Variants in RAB3GAP2 observed in about 807,000 individuals in gnomAD.
The protein encoded by RAB3GAP2 is rab3 GTPase-activating protein non-catalytic subunit.
Under a neutral mutation model 185.3 loss-of-function variants are expected in RAB3GAP2, and 87 were observed. The observed-to-expected ratio is 0.47, with a 90% CI of 0.39 to 0.56. The LOEUF (loss-of-function observed/expected upper bound fraction) is 0.56, where lower values mean the gene tolerates loss of function less well. Ranked by LOEUF, RAB3GAP2 falls within the 20% of genes least tolerant of loss-of-function variation. RAB3GAP2 has a pLI of 0.00. For missense variants in RAB3GAP2, 1,492 were observed against 1,638.2 expected (o/e 0.91, Z 1.54); for synonymous variants, 554 against 576.1 (o/e 0.96, Z 0.55).
chr1:220,209,707 A>G (rs941941632), intron 7 of RAB3GAP2, among the ~76,000 whole-genome samples: 1 of 152,288 alleles, frequency 6.6e-6, no homozygotes, highest in East Asian at 1.9e-4. Flanking sequence ...CAGTATATAC[A>G]TCTGTTCACT....
At chr1:220,245,891 C>G (rs2102899034) in intron 1 of RAB3GAP2, among the ~76,000 whole-genome samples, 1 of 152,268 alleles carries the variant, frequency 6.6e-6, no homozygotes, top group Middle Eastern at 3.4e-3. Context: ...CTGGGAGGCA[C>G]CCCCCAGCGG....
Position 220,216,496 on chromosome 1 carries a change from C to T in RAB3GAP2, c.181-2517G>A, listed in dbSNP as rs538870206. ...TGCTGTAAGCTGAGGACAACATTAC[C>T]CGATGGTTTCCTCCAACAACTGAGA... On this transcript the variant is annotated intron_variant, in intron 2 of 34. Coordinates refer to ENST00000358951, the MANE Select transcript of RAB3GAP2 (RefSeq NM_012414.4). 2.6e-5 allele frequency among the ~76,000 whole-genome samples: 4 copies of T among 152,240 alleles called. No individual in the cohort carries two copies. In the East Asian group the frequency reaches 7.7e-4, roughly 29 times the overall value.
intron 1 of RAB3GAP2, chr1:220,267,968 G>T (rs973843209): frequency 2.3e-5 from 14 of 599,844 alleles, no homozygotes; most frequent in Admixed American, 1.4e-4. Flanking sequence ...CCCAATAAAA[G>T]CACTTTTAAA....
intron 2 of RAB3GAP2, among the ~76,000 whole-genome samples, chr1:220,223,911 A>T (rs867141965): frequency 4.6e-5 from 7 of 151,616 alleles, no homozygotes; most frequent in South Asian, 2.1e-4. Context: ...AAAAAAAAAA[A>T]ACTGAAAAAT....
intron 4 of RAB3GAP2, among the ~76,000 whole-genome samples, chr1:220,211,708 C>CAT (rs1659088612): frequency 6.6e-6 from 1 of 152,180 alleles, no homozygotes; most frequent in Non-Finnish European, 1.5e-5. Flanking sequence ...ACCTGAGGAT[C>CAT]ATCACCAGCT....
intron 1 of RAB3GAP2, among the ~76,000 whole-genome samples, chr1:220,237,610 T>C (rs1659618016): frequency 6.6e-6 from 1 of 152,224 alleles, no homozygotes; most frequent in Non-Finnish European, 1.5e-5. Context: ...TCAGGAGGTC[T>C]GCAATGGATA....
intron 18 of RAB3GAP2, among the ~76,000 whole-genome samples, chr1:220,184,621 A>G (rs1186459086): frequency 6.6e-6 from 1 of 152,188 alleles, no homozygotes; most frequent in African/African-American, 2.4e-5. Flanking sequence ...AGCCATAATA[A>G]AACTGACCAC....
chr1:220,156,411 G>T (rs1657858608), intron 31 of RAB3GAP2, among the ~76,000 whole-genome samples: 1 of 152,176 alleles, frequency 6.6e-6, no homozygotes. Context: ...CCTGCGTGGG[G>T]AAGGAAAGGA....
At chr1:220,267,440 C>T (rs955160360) in intron 1 of RAB3GAP2, 7 of 1,368,560 alleles carry the variant, frequency 5.1e-6, no homozygotes, top group African/African-American at 2.9e-5. Context: ...ACCCTAAGAG[C>T]CAGAATAAAC....
At chr1:220,248,892 C>A (rs914193112) in intron 1 of RAB3GAP2, among the ~76,000 whole-genome samples, 26 of 152,168 alleles carry the variant, frequency 1.7e-4, no homozygotes, top group Admixed American at 7.9e-4. Context: ...TCCTTCCTGC[C>A]ACCATGTGAA....
intron 1 of RAB3GAP2, chr1:220,254,096 C>T (rs1416713523): frequency 9.3e-6 from 15 of 1,613,700 alleles, no homozygotes; most frequent in Middle Eastern, 1.6e-4. Flanking sequence ...GACTTAATTA[C>T]CAGGCAAAAA....
intron 4 of RAB3GAP2, chr1:220,211,326 A>G (rs1275115356): frequency 3.9e-6 from 2 of 510,076 alleles, no homozygotes; most frequent in Admixed American, 4.5e-5. Context: ...AGCTCAAATG[A>G]TCCCCACGCA....
chr1:220,238,252 C>T (rs1045942542), intron 1 of RAB3GAP2, among the ~76,000 whole-genome samples: 2 of 152,056 alleles, frequency 1.3e-5, no homozygotes. Flanking sequence ...GCCATTTTGC[C>T]CAGGCTGGTG....
intron 1 of RAB3GAP2, chr1:220,266,529 T>C (rs1558176672): frequency 3.1e-6 from 2 of 643,044 alleles, no homozygotes; most frequent in Non-Finnish European, 5.6e-6. Flanking sequence ...GTCATGTTTA[T>C]TGATGTGGAG....
intron 2 of RAB3GAP2, among the ~76,000 whole-genome samples, chr1:220,218,849 T>C (rs1659249220): frequency 6.6e-6 from 1 of 152,168 alleles, no homozygotes; most frequent in African/African-American, 2.4e-5. Flanking sequence ...GGAGCAGCTG[T>C]ATACCTATTC....
chr1:220,186,551 C>G lies in RAB3GAP2; in HGVS notation c.1780-810G>C, dbSNP rs146103090. Among the ~76,000 whole-genome samples, 39 of 152,226 alleles carry G rather than the reference C, an allele frequency of 2.6e-4. No homozygotes were observed. In the East Asian group the frequency reaches 5.4e-3, roughly 21 times the overall value. Reference sequence around the variant, plus strand: ...AGAAAGTGACTGTAAGAGGCCAGAACCCAGGACAAGCATAACCTGCTCCAG... The same window carrying G: ...AGAAAGTGACTGTAAGAGGCCAGAAGCCAGGACAAGCATAACCTGCTCCAG... On this transcript the variant is annotated intron_variant, in intron 17 of 34. Coordinates refer to ENST00000358951, the MANE Select transcript of RAB3GAP2 (RefSeq NM_012414.4).
chr1:220,202,118 T>A (rs149591659), intron 9 of RAB3GAP2, among the ~76,000 whole-genome samples, 158 bp downstream of exon 9: 1 of 151,998 alleles, frequency 6.6e-6, no homozygotes, highest in Non-Finnish European at 1.5e-5. Flanking sequence ...TGAGCTGAGA[T>A]CATGCCACTG....
intron 2 of RAB3GAP2, among the ~76,000 whole-genome samples, chr1:220,221,484 T>C (rs931399654): frequency 1.3e-5 from 2 of 152,124 alleles, no homozygotes; most frequent in Non-Finnish European, 2.9e-5. Flanking sequence ...CTATGGTAAA[T>C]AACAATAAAA....
chr1:220,254,865 T>C (rs1660006038), intron 1 of RAB3GAP2, among the ~76,000 whole-genome samples: 2 of 151,988 alleles, frequency 1.3e-5, no homozygotes. Context: ...TTATAATACA[T>C]GTTAATGCTA....
Sources: allele counts gnomAD v4.1 joint callset (sites outside exome capture counted in the v4.1 genomes callset), GRCh38; gene constraint gnomAD v4.1.1; transcripts MANE v1.5; gene names NCBI Gene and HGNC (gene_info 2026-07-23, HGNC 2026-07-21).